Variants in ADARB2 observed in about 807,000 individuals in gnomAD.
ADARB2 encodes the protein inactive double-stranded RNA-specific editase B2.
A neutral mutation model predicts 62.2 loss-of-function variants in ADARB2; 25 were observed. The ratio of observed to expected loss-of-function variants is 0.40; its 90% CI spans 0.29 to 0.56. ADARB2 has a LOEUF of 0.56. Among genes scored for constraint, ADARB2 ranks in the 20% least tolerant of loss-of-function variants. ADARB2 has a pLI of 0.43. For missense variants in ADARB2, 1,071 were observed against 1,077.4 expected, an observed-to-expected ratio of 0.99 and a Z score of 0.08; for synonymous variants, 572 against 500.8, an observed-to-expected ratio of 1.14 and a Z score of -1.90.
intron 1 of ADARB2, among the ~76,000 whole-genome samples, chr10:1,465,598 TAG>T (rs1831244527): frequency 6.6e-6 from 1 of 152,212 alleles, no homozygotes; most frequent in African/African-American, 2.4e-5. Flanking sequence ...AATTCCCCTG[TAG>T]AGAGTGTGCC....
At chr10:1,463,478 G>GCCC (rs1408291356) in intron 1 of ADARB2, among the ~76,000 whole-genome samples, 4 of 152,336 alleles carry the variant, frequency 2.6e-5, no homozygotes, top group African/African-American at 9.6e-5. Flanking sequence ...TTCCGCTAAA[G>GCCC]TGGTTAACCC....
At chr10:1,498,191 T>C (rs1013124653) in intron 1 of ADARB2, among the ~76,000 whole-genome samples, 1 of 151,978 alleles carries the variant, frequency 6.6e-6, no homozygotes, top group African/African-American at 2.4e-5. Context: ...CTGGCCAACA[T>C]GGTGAAACCC....
intron 1 of ADARB2, among the ~76,000 whole-genome samples, chr10:1,566,332 A>G (rs1017375457): frequency 2.0e-5 from 3 of 152,174 alleles, no homozygotes; most frequent in East Asian, 1.9e-4. Flanking sequence ...AAAAGGATTC[A>G]TATTTTCAGT....
chr10:1,339,423 T>C (rs1048054260), intron 3 of ADARB2, among the ~76,000 whole-genome samples: 2 of 152,260 alleles, frequency 1.3e-5, no homozygotes, highest in Admixed American at 6.5e-5. Flanking sequence ...GTTTCATTCA[T>C]GTAATAGGTT....
chr10:1,274,146 C>T (rs1052888583), intron 3 of ADARB2, among the ~76,000 whole-genome samples: 6 of 152,246 alleles, frequency 3.9e-5, no homozygotes, highest in African/African-American at 1.2e-4. Context: ...GCTCTCCCGC[C>T]GGTCCGCCCC....
intron 4 of ADARB2, 53 bp downstream of exon 4, chr10:1,270,902 A>G (rs1268904098): frequency 4.6e-6 from 7 of 1,515,298 alleles, no homozygotes; most frequent in Non-Finnish European, 6.4e-6. Flanking sequence ...GTAGATGCTA[A>G]TGCTCCTTTC....
chr10:1,515,321 A>G (rs942335154), intron 1 of ADARB2, among the ~76,000 whole-genome samples: 2 of 152,192 alleles, frequency 1.3e-5, no homozygotes, highest in Admixed American at 1.3e-4. Flanking sequence ...TGGCTGGTGC[A>G]CTGGGCCCTG....
At chr10:1,668,194 G>A (rs1834337321) in intron 1 of ADARB2, among the ~76,000 whole-genome samples, 1 of 152,172 alleles carries the variant, frequency 6.6e-6, no homozygotes, top group African/African-American at 2.4e-5. Flanking sequence ...TTGGACTTGG[G>A]TTCAGTCTCT....
rs140420593 is a variant in ADARB2, at chr10:1,434,972, G to C, written c.101-55812C>G. Among the ~76,000 whole-genome samples, 61 of 152,342 alleles carry C rather than the reference G, an allele frequency of 4.0e-4. 1 individual carries two copies. The highest frequency in any genetic ancestry group is 2.3e-3 in the Admixed American group (35 of 15,308). The stretch of plus-strand genomic sequence containing the variant: ...TCTCGTTATTGGGCAGAGAGAAATA[G>C]CAGCCCAACCCTCAGTTTGGTCCGG... On this transcript the variant is annotated intron_variant, in intron 1 of 9. Coordinates refer to ENST00000381312, the MANE Select transcript of ADARB2 (RefSeq NM_018702.4).
intron 1 of ADARB2, among the ~76,000 whole-genome samples, chr10:1,539,465 G>A (rs541012334): frequency 6.6e-6 from 1 of 152,310 alleles, no homozygotes; most frequent in Non-Finnish European, 1.5e-5. Context: ...GCCTGTTGGT[G>A]TTGAAGTGCA....
At chr10:1,596,272 T>G (rs7078255) in intron 1 of ADARB2, among the ~76,000 whole-genome samples, 25,094 of 152,270 alleles carry the variant, frequency 0.16, 2,439 homozygotes, top group Non-Finnish European at 0.21. Context: ...ACATCATGAT[T>G]GTTTTTCTTA....
chr10:1,371,034 T>A (rs1296047415), intron 2 of ADARB2, among the ~76,000 whole-genome samples: 1 of 152,222 alleles, frequency 6.6e-6, no homozygotes, highest in East Asian at 1.9e-4. Context: ...ATGTATCACA[T>A]TGCCTGACTT....
chr10:1,710,295 G>A (rs1190057577), intron 1 of ADARB2, among the ~76,000 whole-genome samples: 2 of 152,212 alleles, frequency 1.3e-5, no homozygotes, highest in Non-Finnish European at 2.9e-5. Flanking sequence ...CCCAAGCATT[G>A]GAACTGTCCT....
chr10:1,728,510 A>G (rs1173129504), intron 1 of ADARB2, among the ~76,000 whole-genome samples: 2 of 152,162 alleles, frequency 1.3e-5, no homozygotes, highest in Non-Finnish European at 2.9e-5. Flanking sequence ...TCATCCCTCT[A>G]CGTCGTGTGC....
In ADARB2 at chr10:1,674,638, A is replaced by G. The variant is rs148419382; in HGVS notation, c.100+62413T>C. Among the ~76,000 whole-genome samples the G allele has an allele frequency of 7.0e-3, 1,070 of 152,098 alleles. 16 individuals carry two copies. Among genetic ancestry groups the G allele is most frequent in the African/African-American group, 0.024 (1,010 of 41,482 alleles). On this transcript the variant is annotated intron_variant, in intron 1 of 9. Coordinates refer to ENST00000381312, the MANE Select transcript of ADARB2 (RefSeq NM_018702.4). ...TGGGAGGTCACAGGGTCCGGTTTTG[A>G]TTTCTAGCCTTTAGATCACCGTGTG...
intron 1 of ADARB2, among the ~76,000 whole-genome samples, chr10:1,546,736 A>T (rs1158717401): frequency 4.6e-5 from 7 of 152,222 alleles, no homozygotes; most frequent in Admixed American, 4.6e-4. Flanking sequence ...AAGGGTGAAA[A>T]CAACGCTGGG....
At chr10:1,284,448 A>G (rs1433579929) in intron 3 of ADARB2, among the ~76,000 whole-genome samples, 1 of 152,160 alleles carries the variant, frequency 6.6e-6, no homozygotes, top group Non-Finnish European at 1.5e-5. Flanking sequence ...GTTGCACTGG[A>G]CCTGCACTAT....
At chr10:1,397,592 A>G (rs1314330861) in intron 1 of ADARB2, among the ~76,000 whole-genome samples, 2 of 20,070 alleles carry the variant, frequency 1.0e-4, no homozygotes, top group Non-Finnish European at 1.8e-4. Flanking sequence ...CTGGGTCACC[A>G]TCAGCCTCTC....
intron 3 of ADARB2, among the ~76,000 whole-genome samples, chr10:1,359,402 T>C (rs1398795725): frequency 6.6e-6 from 1 of 152,142 alleles, no homozygotes; most frequent in Non-Finnish European, 1.5e-5. Flanking sequence ...GTTAGATGAG[T>C]CTGATCCTGA....
Sources: allele counts gnomAD v4.1 joint callset (sites outside exome capture counted in the v4.1 genomes callset), GRCh38; gene constraint gnomAD v4.1.1; transcripts MANE v1.5; gene names NCBI Gene and HGNC (gene_info 2026-07-23, HGNC 2026-07-21).